The following DBF4 variants were observed in gnomAD, a reference collection of about 807,000 sequenced individuals.
DBF4 encodes the protein DBF4-CDC7 kinase regulatory subunit, also known as protein DBF4 homolog A.
A neutral mutation model predicts 76.6 loss-of-function variants in DBF4; 25 were observed. That is an observed-to-expected ratio of 0.33 (90% CI 0.24 to 0.46). DBF4 has a LOEUF of 0.46. Ranked by LOEUF, DBF4 falls within the 20% of genes least tolerant of loss-of-function variation. DBF4 has a pLI of 1.00. For synonymous variants in DBF4, 213 were observed against 258.0 expected, an observed-to-expected ratio of 0.83 and a Z score of 1.67; for missense variants, 638 against 760.8, an observed-to-expected ratio of 0.84 and a Z score of 1.90.
At chr7:87,886,990 T>G in intron 4 of DBF4, 96 bp downstream of exon 4, 1 of 882,652 alleles carries the variant, frequency 1.1e-6, no homozygotes, top group South Asian at 1.7e-5. Flanking sequence ...TTCCACATTT[T>G]TAGGCAAAAA....
In DBF4 at chr7:87,876,636, C is replaced by G; in HGVS notation, c.-97C>G. ...GCCGTAGCTGGCGGAAGGAGAGAGG[C>G]GGCCGTCCTGTCAACAGGCCGGGGG... On this transcript the variant is annotated 5_prime_UTR_variant, in exon 1 of 12. Coordinates refer to ENST00000265728, the MANE Select transcript of DBF4 (RefSeq NM_006716.4). The G allele has an allele frequency of 7.3e-7, 1 of 1,361,674 alleles. No homozygotes were observed. Among genetic ancestry groups the G allele is most frequent in the East Asian group, 2.4e-5 (1 of 41,884 alleles). The allele number at this position is 1,361,674 out of a possible 1,614,324, so 84.3% of individuals were successfully genotyped here.
At chr7:87,879,816 G>C (rs1839166350) in intron 2 of DBF4, among the ~76,000 whole-genome samples, 1 of 152,248 alleles carries the variant, frequency 6.6e-6, no homozygotes, top group Middle Eastern at 3.4e-3. Flanking sequence ...AGCCAAGCAT[G>C]GTGGTGCATG....
chr7:87,897,412 AGCTCG>A, intron 8 of DBF4, 73 bp downstream of exon 8: 3 of 1,382,808 alleles, frequency 2.2e-6, no homozygotes, highest in Non-Finnish European at 3.1e-6. Flanking sequence ...TAATTAGGCT[AGCTCG>A]ATTAGTACTG....
rs1049913937 is a variant in DBF4 at position 87,908,794 on chromosome 7, A to C, written c.*631A>C. 6 of 152,036 alleles carry C rather than the reference A, an allele frequency of 3.9e-5. No homozygotes were observed. Among genetic ancestry groups the C allele is most frequent in the Admixed American group, 6.5e-5 (1 of 15,278 alleles). 9.4% of individuals were successfully genotyped at this position (152,036 alleles called of 1,614,324 possible). ...CTTGTAAATAACTTTAATAATATTC[A>C]AAAGTTGACTCTCCTGTGGCTCATG... On this transcript the variant is annotated 3_prime_UTR_variant, in exon 12 of 12. Transcript: ENST00000265728.
chr7:87,877,380 G>T lies in DBF4; in HGVS notation c.46+602G>T, dbSNP rs562424403. 9.7e-4 allele frequency among the ~76,000 whole-genome samples: 148 copies of T among 152,284 alleles called. 1 individual carries two copies. Among genetic ancestry groups the T allele is most frequent in the African/African-American group, 3.4e-3 (140 of 41,564 alleles). The stretch of plus-strand genomic sequence containing the variant: ...AAACATTCCAGCACCTAAGTTTTTT[G>T]TACAGGTGTTTGTGTGTGTGTAGTA... On this transcript the variant is annotated intron_variant, in intron 1 of 11. Transcript: ENST00000265728.
intron 2 of DBF4, among the ~76,000 whole-genome samples, chr7:87,879,160 G>C (rs1351603003): frequency 6.6e-6 from 1 of 152,134 alleles, no homozygotes; most frequent in East Asian, 1.9e-4. Flanking sequence ...TGTTGCCCAG[G>C]CTGGTCTCAA....
rs138586098 is a variant in DBF4 at position 87,897,623 on chromosome 7, C to G, written c.680+284C>G. On this transcript the variant is annotated intron_variant, in intron 8 of 11. Coordinates refer to ENST00000265728, the MANE Select transcript of DBF4 (RefSeq NM_006716.4). ...AATTATTCTCTGGCTAAATGCAGTA[C>G]CAAATGATTTAGAACTACTGAAAGA... Among the ~76,000 whole-genome samples the G allele has an allele frequency of 2.4e-3, 364 of 152,160 alleles. 1 individual carries two copies. Among genetic ancestry groups the G allele is most frequent in the African/African-American group, 8.2e-3 (339 of 41,512 alleles).
intron 5 of DBF4, 92 bp from the exon 6 acceptor site, chr7:87,887,891 A>C (rs1373476085): frequency 8.1e-6 from 10 of 1,232,346 alleles, no homozygotes; most frequent in Non-Finnish European, 1.0e-5. Context: ...TATAATGGTA[A>C]ATTCTTTATC....
At chr7:87,883,494 TTA>T (rs1460745548) in intron 2 of DBF4, among the ~76,000 whole-genome samples, 2 of 152,184 alleles carry the variant, frequency 1.3e-5, no homozygotes, top group East Asian at 3.8e-4. Flanking sequence ...TCTGACATTA[TTA>T]GGGCCTCATA....
rs961586630 is a variant in DBF4 at position 87,876,633 on chromosome 7, A to C, written c.-100A>C. 6 of 1,329,402 alleles carry C rather than the reference A, an allele frequency of 4.5e-6. No individual in the cohort carries two copies. The highest frequency in any genetic ancestry group is 6.4e-6 in the Non-Finnish European group (6 of 943,748). 82.4% of individuals were successfully genotyped at this position (1,329,402 alleles called of 1,614,324 possible). A position where few individuals can be genotyped will look rare whatever the true frequency, so the allele number is the denominator to read the frequency against. On this transcript the variant is annotated 5_prime_UTR_variant, in exon 1 of 12. Coordinates refer to ENST00000265728, the MANE Select transcript of DBF4 (RefSeq NM_006716.4). ...GAGGCCGTAGCTGGCGGAAGGAGAGAGGCGGCCGTCCTGTCAACAGGCCGG... is the reference window on the plus strand; with the variant it reads ...GAGGCCGTAGCTGGCGGAAGGAGAGCGGCGGCCGTCCTGTCAACAGGCCGG...
chr7:87,887,014 A>G, intron 4 of DBF4, 120 bp downstream of exon 4: 1 of 691,250 alleles, frequency 1.4e-6, no homozygotes, highest in Non-Finnish European at 2.4e-6. Context: ...GAATCTCAGC[A>G]TATATTTTAT....
At chr7:87,905,920 G>A (rs906162678) in intron 11 of DBF4, among the ~76,000 whole-genome samples, 4 of 151,782 alleles carry the variant, frequency 2.6e-5, no homozygotes, top group Non-Finnish European at 5.9e-5. Context: ...CCAGCACTTC[G>A]AAAGGCCGAG....
chr7:87,896,145 G>T, intron 6 of DBF4: 1 of 236,220 alleles, frequency 4.2e-6, no homozygotes, highest in Admixed American at 5.6e-5. Flanking sequence ...AATAAATGTT[G>T]ACTAATTTCT....
intron 1 of DBF4, among the ~76,000 whole-genome samples, 164 bp downstream of exon 1, chr7:87,876,942 AG>A (rs1839067313): frequency 6.6e-6 from 1 of 152,194 alleles, no homozygotes; most frequent in African/African-American, 2.4e-5. Flanking sequence ...TTGCCTAAGA[AG>A]GAACGGATCC....
intron 10 of DBF4, among the ~76,000 whole-genome samples, chr7:87,903,111 C>G (rs1017301225): frequency 6.6e-6 from 1 of 152,148 alleles, no homozygotes; most frequent in African/African-American, 2.4e-5. Flanking sequence ...GAGATGGAGT[C>G]TCGCTCTGTC....
Position 87,900,809 on chromosome 7 carries a change from C to G in DBF4, c.855C>G (p.Leu285=), listed in dbSNP as rs1305169109. Residue 285 remains leucine, a synonymous_variant, in exon 10 of 12, where the codon CTC becomes CTG. Coordinates refer to ENST00000265728, the MANE Select transcript of DBF4 (RefSeq NM_006716.4). ...GDKYGGTSIQ[L]QLKEKKKKGY... ...AGTATGGTGGAACCTCAATTCAACT[C>G]CAGTTGAAAGAGAAGAAGAAAAAAG... 3 of 1,613,142 alleles carry G rather than the reference C, an allele frequency of 1.9e-6. No individual in the cohort carries two copies. In the Admixed American group the frequency reaches 5.0e-5, roughly 27 times the overall value.
intron 2 of DBF4, among the ~76,000 whole-genome samples, chr7:87,883,184 C>A (rs1294973375): frequency 6.6e-6 from 1 of 151,682 alleles, no homozygotes; most frequent in Non-Finnish European, 1.5e-5. Context: ...TACAAAAGAA[C>A]AAATGTAGGA....
At chr7:87,904,084 A>T (rs868527853) in intron 10 of DBF4, among the ~76,000 whole-genome samples, 57 of 152,208 alleles carry the variant, frequency 3.7e-4, no homozygotes, top group Admixed American at 1.2e-3. Flanking sequence ...AAGACTAAAA[A>T]CCAAAGTAGT....
chr7:87,879,168 C>T (rs1342164865), intron 2 of DBF4, among the ~76,000 whole-genome samples: 1 of 152,106 alleles, frequency 6.6e-6, no homozygotes, highest in Non-Finnish European at 1.5e-5. Context: ...AGGCTGGTCT[C>T]AAACTTCTAA....
Sources: gnomAD v4.1 joint callset for allele counts (sites outside exome capture counted in the v4.1 genomes callset) on GRCh38, gnomAD v4.1.1 for gene constraint, MANE v1.5 for transcripts, NCBI Gene and HGNC (gene_info 2026-07-23, HGNC 2026-07-21) for gene names.